The following XPO4 variants were observed in gnomAD, a reference collection of about 807,000 sequenced individuals.
The protein encoded by XPO4 is exportin 4.
XPO4 carries 39 observed loss-of-function variants against 143.0 expected under a neutral mutation model. That is an observed-to-expected ratio of 0.27 (90% confidence interval 0.21 to 0.36). The LOEUF is 0.36. Among genes scored for constraint, XPO4 ranks in the 10% least tolerant of loss-of-function variants. The pLI is 1.00. For synonymous variants in XPO4, 439 were observed against 474.0 expected (o/e 0.93, Z 0.96); for missense variants, 907 against 1,348.0 (o/e 0.67, Z 5.12).
At chr13:20,825,351 A>G (rs1442153024) in intron 7 of XPO4, among the ~76,000 whole-genome samples, 1 of 152,236 alleles carries the variant, frequency 6.6e-6, no homozygotes, top group African/African-American at 2.4e-5. Flanking sequence ...AAAGTGCTTT[A>G]AAGTAGGCAA....
At chr13:20,796,053 A>G in intron 18 of XPO4, 23 bp downstream of exon 18, 1 of 1,588,842 alleles carries the variant, frequency 6.3e-7, no homozygotes, top group South Asian at 1.2e-5. Flanking sequence ...ACAAAGTTTA[A>G]AAACCATCAC....
intron 3 of XPO4, among the ~76,000 whole-genome samples, chr13:20,856,546 C>A (rs1047109607): frequency 6.6e-6 from 1 of 152,172 alleles, no homozygotes; most frequent in Non-Finnish European, 1.5e-5. Context: ...CCACCAAGTG[C>A]CCCTGGAATA....
At position 20,885,415 on chromosome 13, in the gene XPO4, CA is replaced by C. The variant is rs1478123344; in HGVS notation, c.70-16715del. 4.0e-5 allele frequency among the ~76,000 whole-genome samples: 6 copies of C among 151,770 alleles called. No homozygotes were observed. The East Asian group carries it at 1.2e-3, about 29-fold the overall frequency. ...TGACAACAAACTATGGAATGAGAAA[CA>C]AAAGATTATCAAACCCTAAAAGAAG... On this transcript the variant is annotated intron_variant, in intron 1 of 22. Transcript: ENST00000255305.
At chr13:20,827,212 T>C in intron 6 of XPO4, 33 bp from the exon 7 acceptor site, 1 of 1,464,598 alleles carries the variant, frequency 6.8e-7, no homozygotes, top group Non-Finnish European at 9.6e-7. Flanking sequence ...AACAATAACA[T>C]TCTTACTTTG....
intron 15 of XPO4, 113 bp from the exon 16 acceptor site, chr13:20,799,452 TA>T: frequency 2.2e-6 from 2 of 906,352 alleles, no homozygotes; most frequent in Non-Finnish European, 3.1e-6. Context: ...TAATTACTGT[TA>T]AAGCAAAGTA....
intron 7 of XPO4, among the ~76,000 whole-genome samples, chr13:20,822,746 A>G (rs2059736015): frequency 6.6e-6 from 1 of 152,236 alleles, no homozygotes; most frequent in Non-Finnish European, 1.5e-5. Context: ...ATACCATTGA[A>G]TCCCTAGACA....
At chr13:20,785,532 G>A (rs1331146489) in intron 22 of XPO4, among the ~76,000 whole-genome samples, 1 of 152,006 alleles carries the variant, frequency 6.6e-6, no homozygotes, top group Non-Finnish European at 1.5e-5. Flanking sequence ...AGGTGTGGTG[G>A]TGCACACCTG....
chr13:20,784,291 C>T (rs2059173406), intron 22 of XPO4, among the ~76,000 whole-genome samples: 1 of 152,120 alleles, frequency 6.6e-6, no homozygotes, highest in South Asian at 2.1e-4. Flanking sequence ...ATTTATGTTG[C>T]GTTTGACACA....
chr13:20,859,900 A>G, intron 3 of XPO4: 1 of 973,260 alleles, frequency 1.0e-6, no homozygotes, highest in Non-Finnish European at 1.2e-6. Context: ...AAGTCTACCA[A>G]GGTCTCCAGA....
chr13:20,879,185 C>T (rs1358617583), intron 1 of XPO4: 6 of 985,274 alleles, frequency 6.1e-6, no homozygotes, highest in Admixed American at 6.2e-5. Context: ...AGATTAAAGC[C>T]AGGGCCCATC....
intron 2 of XPO4, among the ~76,000 whole-genome samples, chr13:20,865,002 G>C (rs1392574304): frequency 6.6e-6 from 1 of 152,112 alleles, no homozygotes; most frequent in Non-Finnish European, 1.5e-5. Flanking sequence ...ATATGCAAGA[G>C]ATGCTAGAAG....
intron 12 of XPO4, 105 bp downstream of exon 12, chr13:20,808,331 T>C: frequency 8.2e-7 from 1 of 1,219,194 alleles, no homozygotes; most frequent in Non-Finnish European, 1.1e-6. Context: ...ATCCAAATTT[T>C]ATCCAATATT....
chr13:20,857,058 G>GA, intron 3 of XPO4: 1 of 215,602 alleles, frequency 4.6e-6, no homozygotes, highest in Non-Finnish European at 7.9e-6. Flanking sequence ...AGACTGAAGT[G>GA]AAAAAACATT....
At chr13:20,831,978 T>C (rs1003063191) in intron 6 of XPO4, among the ~76,000 whole-genome samples, 1 of 152,108 alleles carries the variant, frequency 6.6e-6, no homozygotes, top group Non-Finnish European at 1.5e-5. Flanking sequence ...TAAATTCAAC[T>C]GCACCACAGA....
At chr13:20,868,725 G>T in intron 1 of XPO4, 24 bp from the exon 2 acceptor site, 1 of 1,592,948 alleles carries the variant, frequency 6.3e-7, no homozygotes, top group South Asian at 1.1e-5. Flanking sequence ...GACAAGAACA[G>T]ATACACTTAT....
chr13:20,834,602 A>G (rs979386358), intron 6 of XPO4, among the ~76,000 whole-genome samples: 1 of 152,004 alleles, frequency 6.6e-6, no homozygotes, highest in African/African-American at 2.4e-5. Context: ...AATAAATTTA[A>G]TAATCTTTTG....
Position 20,809,210 on chromosome 13 carries a change from C to T in XPO4, c.1366G>A (p.Ala456Thr). 1 of 1,613,804 alleles carries T rather than the reference C, an allele frequency of 6.2e-7. No individual in the cohort carries two copies. The highest frequency in any genetic ancestry group is 8.5e-7 in the Non-Finnish European group (1 of 1,179,876). ...CTTATTTCTTCCTCCTCACGAGAGG[C>T]CACACCATTGGCAGTCTATTGCAAG... ...GTRNLTANGV[A>T]SREEEEISEL... The change falls in exon 11 of 23, where the codon GCC becomes ACC. Residue 456 changes from alanine (A) to threonine (T), a missense_variant. By Grantham distance (58) the Ala-to-Thr change is moderately conservative. Transcript: ENST00000255305.
intron 8 of XPO4, 96 bp downstream of exon 8, chr13:20,822,036 A>G (rs1484505982): frequency 2.1e-6 from 3 of 1,454,140 alleles, no homozygotes; most frequent in Non-Finnish European, 2.8e-6. Flanking sequence ...ACTTCAAAAT[A>G]TAAGGGGGAA....
intron 21 of XPO4, 130 bp downstream of exon 21, chr13:20,787,351 T>C: frequency 1.2e-6 from 1 of 849,984 alleles, no homozygotes; most frequent in Non-Finnish European, 1.9e-6. Context: ...AAAAAAACAG[T>C]GAACAGGAAG....
Sources: allele counts gnomAD v4.1 joint callset (sites outside exome capture counted in the v4.1 genomes callset), GRCh38; gene constraint gnomAD v4.1.1; transcripts MANE v1.5; gene names NCBI Gene and HGNC (gene_info 2026-07-23, HGNC 2026-07-21).